The following AGBL1 variants were observed in gnomAD, a reference collection of about 807,000 sequenced individuals.
The protein encoded by AGBL1 is AGBL carboxypeptidase 1, also known as cytosolic carboxypeptidase 4.
AGBL1 carries 130 observed loss-of-function variants against 118.9 expected under a neutral mutation model. That is an observed-to-expected ratio of 1.09 (90% confidence interval 0.95 to 1.26). The LOEUF is 1.26. Among genes scored for constraint, AGBL1 ranks in the 50% most tolerant of loss-of-function variants. The probability of loss-of-function intolerance (pLI) is 0.00; values close to 1 mark genes in which losing one functional copy is unlikely to be tolerated. For missense variants in AGBL1, 1,584 were observed against 1,298.1 expected, an observed-to-expected ratio of 1.22 and a Z score of -3.38; for synonymous variants, 555 against 478.9, an observed-to-expected ratio of 1.16 and a Z score of -2.08.
At chr15:86,763,166 A>G (rs1700934686) in intron 22 of AGBL1, among the ~76,000 whole-genome samples, 3 of 152,156 alleles carry the variant, frequency 2.0e-5, no homozygotes, top group South Asian at 2.1e-4. Context: ...GATGACAACA[A>G]CAACAAAAAC....
intron 15 of AGBL1, among the ~76,000 whole-genome samples, chr15:86,277,725 A>G (rs553341224): frequency 2.0e-5 from 3 of 152,128 alleles, no homozygotes; most frequent in African/African-American, 7.2e-5. Flanking sequence ...CGGGACACCT[A>G]TTATTTTTGA....
chr15:86,283,973 A>G (rs950703281), intron 16 of AGBL1, among the ~76,000 whole-genome samples: 8 of 152,082 alleles, frequency 5.3e-5, no homozygotes, highest in African/African-American at 1.9e-4. Flanking sequence ...CGGTTTTCTC[A>G]TCTGTAAAAT....
At chr15:86,659,368 T>C (rs1171645852) in intron 21 of AGBL1, among the ~76,000 whole-genome samples, 1 of 152,186 alleles carries the variant, frequency 6.6e-6, no homozygotes, top group Admixed American at 6.5e-5. Flanking sequence ...CGGGAGACTT[T>C]TGGCTTCCAT....
At chr15:86,318,199 C>A (rs2080045547) in intron 17 of AGBL1, among the ~76,000 whole-genome samples, 1 of 152,186 alleles carries the variant, frequency 6.6e-6, no homozygotes, top group Non-Finnish European at 1.5e-5. Flanking sequence ...TTTTTAAAAT[C>A]ATGAGTCATA....
intron 18 of AGBL1, among the ~76,000 whole-genome samples, chr15:86,433,005 C>A (rs528175452): frequency 1.6e-4 from 24 of 152,252 alleles, no homozygotes; most frequent in Admixed American, 1.4e-3. Context: ...CATATCAGGA[C>A]AAGCGTGCAC....
At chr15:86,885,152 T>A (rs2079952761) in intron 22 of AGBL1, among the ~76,000 whole-genome samples, 1 of 152,202 alleles carries the variant, frequency 6.6e-6, no homozygotes, top group Non-Finnish European at 1.5e-5. Flanking sequence ...TTGTTATGAT[T>A]CTTATAATAC....
At chr15:86,391,002 G>A (rs1474415740) in intron 17 of AGBL1, among the ~76,000 whole-genome samples, 2 of 146,126 alleles carry the variant, frequency 1.4e-5, no homozygotes, top group African/African-American at 2.6e-5. Flanking sequence ...TCCAGAAAAC[G>A]AAGCACTATG....
At chr15:86,811,574 T>C (rs2141368916) in intron 22 of AGBL1, among the ~76,000 whole-genome samples, 1 of 152,288 alleles carries the variant, frequency 6.6e-6, no homozygotes, top group South Asian at 2.1e-4. Flanking sequence ...CTCCCCTCTG[T>C]TTTATTTCAT....
chr15:86,800,016 C>T (rs1403379318), intron 22 of AGBL1, among the ~76,000 whole-genome samples: 2 of 152,022 alleles, frequency 1.3e-5, no homozygotes, highest in African/African-American at 4.8e-5. Context: ...CTTTTGAGAG[C>T]GTCAAGTGGT....
intron 22 of AGBL1, among the ~76,000 whole-genome samples, chr15:86,762,318 C>T (rs972354422): frequency 2.0e-5 from 3 of 151,912 alleles, no homozygotes; most frequent in South Asian, 2.1e-4. Context: ...CACCATGGCA[C>T]ATGTTTACCT....
chr15:86,986,219 C>T (rs143699774), intron 23 of AGBL1, among the ~76,000 whole-genome samples: 5,198 of 152,060 alleles, frequency 0.034, 128 homozygotes, highest in Middle Eastern at 0.068. Context: ...CCACGGCGCC[C>T]GGCCAGGATA....
chr15:86,132,860 A>G (rs2076837968), intron 1 of AGBL1, among the ~76,000 whole-genome samples: 1 of 151,998 alleles, frequency 6.6e-6, no homozygotes, highest in South Asian at 2.1e-4. Context: ...CTAAATTGGG[A>G]ACATTGTGAT....
intron 22 of AGBL1, among the ~76,000 whole-genome samples, chr15:86,812,245 C>T (rs2141370190): frequency 6.6e-6 from 1 of 152,248 alleles, no homozygotes; most frequent in African/African-American, 2.4e-5. Context: ...CAAACTAAGT[C>T]ATGTGTATGG....
At chr15:87,003,127 C>A (rs942810836) in intron 24 of AGBL1, among the ~76,000 whole-genome samples, 5 of 152,110 alleles carry the variant, frequency 3.3e-5, no homozygotes, top group African/African-American at 1.2e-4. Flanking sequence ...TCATAAATAG[C>A]TCTTATTATT....
chr15:86,999,486 C>T (rs1389968843), intron 24 of AGBL1, among the ~76,000 whole-genome samples: 42 of 145,812 alleles, frequency 2.9e-4, no homozygotes, highest in Non-Finnish European at 5.3e-4. Flanking sequence ...GTTTTTTGTT[C>T]TTGTGATACT....
At chr15:86,993,428 C>T (rs117669007) in intron 24 of AGBL1, among the ~76,000 whole-genome samples, 5,197 of 152,218 alleles carry the variant, frequency 0.034, 126 homozygotes, top group Middle Eastern at 0.068. Flanking sequence ...CCCAGTTTTC[C>T]TAGGGTGTAT....
chr15:86,963,858 G>T lies in AGBL1; in HGVS notation c.3222-24129G>T, dbSNP rs1304204993. Among the ~76,000 whole-genome samples, 3 of 151,946 alleles carry T rather than the reference G, an allele frequency of 2.0e-5. No individual in the cohort carries two copies. In the South Asian group the frequency reaches 6.2e-4, roughly 32 times the overall value. On this transcript the variant is annotated intron_variant, in intron 23 of 24. Coordinates refer to the AGBL1 transcript ENST00000441037. ...TTTTCCCAGCACTACCTAGTACAGAGCTGGGCTCAGAGTTCATACTTATAA... is the reference window on the plus strand; with the variant it reads ...TTTTCCCAGCACTACCTAGTACAGATCTGGGCTCAGAGTTCATACTTATAA...
intron 22 of AGBL1, among the ~76,000 whole-genome samples, chr15:86,709,548 G>C (rs12901415): frequency 0.34 from 51,379 of 151,956 alleles, 10,069 homozygotes; most frequent in Non-Finnish European, 0.45. Flanking sequence ...TTCCAATGAT[G>C]CAAAGACATT....
intron 18 of AGBL1, among the ~76,000 whole-genome samples, chr15:86,420,382 G>T (rs1023363653): frequency 2.0e-5 from 3 of 152,182 alleles, no homozygotes; most frequent in Admixed American, 2.0e-4. Context: ...GGGCCTGACT[G>T]TTAGAAGGAA....
Sources: gnomAD v4.1 joint callset for allele counts (sites outside exome capture counted in the v4.1 genomes callset) on GRCh38, gnomAD v4.1.1 for gene constraint, MANE v1.5 for transcripts, NCBI Gene and HGNC (gene_info 2026-07-23, HGNC 2026-07-21) for gene names.